The following SCN8A variants were observed in gnomAD, a reference collection of about 807,000 sequenced individuals.
The protein encoded by SCN8A is sodium channel protein type 8 subunit alpha.
In SCN8A, 30 loss-of-function variants were observed where a neutral mutation model predicts 184.1. The observed-to-expected ratio is 0.16, with a 90% CI of 0.12 to 0.22. The LOEUF is 0.22. Ranked by LOEUF, SCN8A falls within the 10% of genes least tolerant of loss-of-function variation. The pLI is 1.00. For missense variants in SCN8A, 1,057 were observed against 2,498.9 expected (o/e 0.42, Z 12.30); for synonymous variants, 852 against 907.0 (o/e 0.94, Z 1.09).
chr12:51,755,863 A>T (rs1406631000), intron 14 of SCN8A, among the ~76,000 whole-genome samples: 1 of 152,210 alleles, frequency 6.6e-6, no homozygotes, highest in East Asian at 1.9e-4. Flanking sequence ...CGTTGCCACT[A>T]TCTTTGGTAT....
At chr12:51,596,837 T>G (rs1939359919) in intron 1 of SCN8A, among the ~76,000 whole-genome samples, 1 of 152,196 alleles carries the variant, frequency 6.6e-6, no homozygotes, top group African/African-American at 2.4e-5. Context: ...CACATATACT[T>G]GGCTATTCAT....
At chr12:51,770,322 C>T in intron 18 of SCN8A, 1 of 609,874 alleles carries the variant, frequency 1.6e-6, no homozygotes, top group Non-Finnish European at 2.8e-6. Flanking sequence ...ATCTTCTTGA[C>T]TCCTGAGGGC....
chr12:51,626,072 G>A (rs982430713), intron 1 of SCN8A, among the ~76,000 whole-genome samples: 1 of 152,178 alleles, frequency 6.6e-6, no homozygotes, highest in African/African-American at 2.4e-5. Flanking sequence ...GAGGCAGAAG[G>A]AGCGAGGGGA....
intron 2 of SCN8A, among the ~76,000 whole-genome samples, chr12:51,665,157 C>T (rs974015329): frequency 3.3e-5 from 5 of 152,234 alleles, no homozygotes; most frequent in African/African-American, 4.8e-5. Flanking sequence ...TTTGCATACT[C>T]TTTTTCCCTG....
chr12:51,672,295 GATATT>G (rs1380350806), intron 2 of SCN8A, among the ~76,000 whole-genome samples: 1 of 152,032 alleles, frequency 6.6e-6, no homozygotes, highest in African/African-American at 2.4e-5. Flanking sequence ...CCCCTTTCAT[GATATT>G]ATAAGATCTT....
intron 22 of SCN8A, among the ~76,000 whole-genome samples, chr12:51,787,980 T>C (rs1236138688): frequency 1.3e-5 from 2 of 152,240 alleles, no homozygotes; most frequent in Non-Finnish European, 2.9e-5. Flanking sequence ...ATATGCAAGA[T>C]GCTGTGCTTG....
chr12:51,803,332 T>C (rs1938606821), intron 26 of SCN8A, among the ~76,000 whole-genome samples: 1 of 152,008 alleles, frequency 6.6e-6, no homozygotes. Flanking sequence ...CTTCTTCTGC[T>C]TGCTTTTTCT....
intron 12 of SCN8A, among the ~76,000 whole-genome samples, chr12:51,731,201 C>A (rs1370306587): frequency 6.6e-6 from 1 of 152,116 alleles, no homozygotes; most frequent in Non-Finnish European, 1.5e-5. Context: ...GCAGATAGTG[C>A]AGTTATCTCT....
intron 14 of SCN8A, among the ~76,000 whole-genome samples, chr12:51,752,261 A>G (rs1433700224): frequency 6.6e-6 from 1 of 152,212 alleles, no homozygotes; most frequent in African/African-American, 2.4e-5. Flanking sequence ...GTAAAGAATT[A>G]GTGAGAAAGA....
chr12:51,670,502 C>G (rs1173435886), intron 2 of SCN8A, among the ~76,000 whole-genome samples: 1 of 152,106 alleles, frequency 6.6e-6, no homozygotes, highest in Non-Finnish European at 1.5e-5. Context: ...GAAGATGAGG[C>G]TGGGGAGGGT....
chr12:51,647,026 G>A (rs1940605876), intron 1 of SCN8A, among the ~76,000 whole-genome samples: 1 of 152,108 alleles, frequency 6.6e-6, no homozygotes. Context: ...CCATTCTTAA[G>A]AATCTTTCTT....
At chr12:51,804,657 G>A (rs1289423194) in intron 26 of SCN8A, among the ~76,000 whole-genome samples, 1 of 152,152 alleles carries the variant, frequency 6.6e-6, no homozygotes, top group East Asian at 1.9e-4. Context: ...TGTATTTTTA[G>A]TAGAGACTGG....
chr12:51,801,303 GT>G (rs1169968295), intron 26 of SCN8A, among the ~76,000 whole-genome samples: 1 of 152,166 alleles, frequency 6.6e-6, no homozygotes, highest in East Asian at 1.9e-4. Context: ...AGTGACTGCA[GT>G]TCCCACTGTA....
chr12:51,631,671 T>G (rs1210751549), intron 1 of SCN8A, among the ~76,000 whole-genome samples: 1 of 152,224 alleles, frequency 6.6e-6, no homozygotes, highest in East Asian at 1.9e-4. Flanking sequence ...CCCTGAAGTC[T>G]TTTGATGATC....
At chr12:51,611,243 G>C (rs1041141006) in intron 1 of SCN8A, among the ~76,000 whole-genome samples, 1 of 150,034 alleles carries the variant, frequency 6.7e-6, no homozygotes. Context: ...GCTGGAGCAA[G>C]CTCCGCCTCC....
chr12:51,732,055 C>A (rs1015250698), intron 12 of SCN8A, among the ~76,000 whole-genome samples: 1 of 152,100 alleles, frequency 6.6e-6, no homozygotes, highest in African/African-American at 2.4e-5. Flanking sequence ...CCTTGCTGTG[C>A]AGAAGCTTTT....
chr12:51,613,344 G>A (rs1004803707), intron 1 of SCN8A, among the ~76,000 whole-genome samples: 2 of 152,050 alleles, frequency 1.3e-5, no homozygotes, highest in Non-Finnish European at 2.9e-5. Context: ...ATACTTTGTG[G>A]CTTTCAAGGA....
At chr12:51,772,409 AAT>A (rs1419069675) in intron 19 of SCN8A, among the ~76,000 whole-genome samples, 9 of 121,236 alleles carry the variant, frequency 7.4e-5, no homozygotes, top group African/African-American at 1.8e-4. Flanking sequence ...AAAAAAAAAA[AAT>A]AACAAAATGA....
chr12:51,687,020 A>G, intron 4 of SCN8A, 71 bp from the exon 5 acceptor site: 2 of 1,544,102 alleles, frequency 1.3e-6, no homozygotes, highest in Non-Finnish European at 1.8e-6. Context: ...ACTTCAGGCA[A>G]GTGCTAACTT....
Sources: allele counts gnomAD v4.1 joint callset (sites outside exome capture counted in the v4.1 genomes callset), GRCh38; gene constraint gnomAD v4.1.1; transcripts MANE v1.5; gene names NCBI Gene and HGNC (gene_info 2026-07-23, HGNC 2026-07-21).